Variants in ADCY8 observed in about 807,000 individuals in gnomAD.
ADCY8 encodes the protein adenylate cyclase 8, also known as adenylate cyclase type 8.
In ADCY8, 51 loss-of-function variants were observed where a neutral mutation model predicts 119.7. That is an observed-to-expected ratio of 0.43 (90% CI 0.34 to 0.54). ADCY8 has a LOEUF of 0.54. Ranked by LOEUF, ADCY8 falls within the 20% of genes least tolerant of loss-of-function variation. The pLI is 0.03. For missense variants in ADCY8, 1,383 were observed against 1,598.8 expected (o/e 0.87, Z 2.30); for synonymous variants, 665 against 651.0 (o/e 1.02, Z -0.33).
chr8:130,905,566 TA>T (rs1248737067), intron 6 of ADCY8, among the ~76,000 whole-genome samples: 1 of 152,136 alleles, frequency 6.6e-6, no homozygotes, highest in Non-Finnish European at 1.5e-5. Flanking sequence ...GAAAAGTTTT[TA>T]AAAAAAATTT....
intron 7 of ADCY8, among the ~76,000 whole-genome samples, chr8:130,901,609 A>T (rs376619310): frequency 2.0e-5 from 3 of 152,188 alleles, no homozygotes; most frequent in African/African-American, 4.8e-5. Flanking sequence ...ATGTCTCTGA[A>T]TTGCACATAT....
rs1586423992 is a variant in ADCY8, at chr8:130,798,878, A to G, written c.3060+1548T>C. On this transcript the variant is annotated intron_variant, in intron 15 of 17. Coordinates refer to ENST00000286355, the MANE Select transcript of ADCY8 (RefSeq NM_001115.3). ...TCCATTGAGAAATGAATGGAAACAC[A>G]CACACACGCATGCACACACACATGC... 4.6e-5 allele frequency among the ~76,000 whole-genome samples: 7 copies of G among 152,248 alleles called. 1 individual carries two copies. Among genetic ancestry groups the G allele is most frequent in the Admixed American group, 4.6e-4 (7 of 15,288 alleles).
At chr8:130,789,891 G>A (rs1017655344) in intron 15 of ADCY8, among the ~76,000 whole-genome samples, 2 of 152,154 alleles carry the variant, frequency 1.3e-5, no homozygotes, top group African/African-American at 4.8e-5. Flanking sequence ...ATGGGGCTTG[G>A]CAACCTGTGT....
intron 3 of ADCY8, among the ~76,000 whole-genome samples, chr8:130,950,104 C>A (rs575004971): frequency 9.9e-5 from 15 of 152,262 alleles, no homozygotes; most frequent in African/African-American, 3.6e-4. Context: ...TGTCCTCTAT[C>A]CTGCTGACAT....
At chr8:130,965,322 A>G (rs200855537) in intron 2 of ADCY8, among the ~76,000 whole-genome samples, 16 of 152,274 alleles carry the variant, frequency 1.1e-4, no homozygotes, top group East Asian at 9.7e-4. Flanking sequence ...AATAGACACT[A>G]GGGACTCCAA....
chr8:130,952,061 G>A (rs1821291670), intron 2 of ADCY8, 63 bp from the exon 3 acceptor site: 5 of 1,595,448 alleles, frequency 3.1e-6, no homozygotes, highest in African/African-American at 1.3e-5. Flanking sequence ...TGGGAGGGTG[G>A]AGGGTGGAGA....
At chr8:130,797,350 A>G (rs1446777180) in intron 15 of ADCY8, among the ~76,000 whole-genome samples, 2 of 152,222 alleles carry the variant, frequency 1.3e-5, no homozygotes, top group Admixed American at 6.5e-5. Context: ...CACCCCTGCT[A>G]TAAAGTTTAA....
rs370466436 is a variant in ADCY8, at chr8:130,990,593, G to C, written c.961-51C>G. Reference sequence around the variant, plus strand: ...CGCTTAAAACAAAAGCTATTTACAAGCAACAATAAAATACACAAATAAATA... The same window carrying C: ...CGCTTAAAACAAAAGCTATTTACAACCAACAATAAAATACACAAATAAATA... On this transcript the variant is annotated intron_variant, in intron 1 of 17. Transcript: ENST00000286355. 7.1e-5 allele frequency: 112 copies of C among 1,587,720 alleles called. No individual in the cohort carries two copies. In the African/African-American group the frequency reaches 1.4e-3, roughly 19 times the overall value.
At chr8:130,820,500 A>G (rs2130194883) in intron 13 of ADCY8, among the ~76,000 whole-genome samples, 1 of 152,354 alleles carries the variant, frequency 6.6e-6, no homozygotes, top group African/African-American at 2.4e-5. Flanking sequence ...CAAGCGACGA[A>G]CGTTCATGGG....
At chr8:130,925,011 C>G (rs1371135200) in intron 5 of ADCY8, among the ~76,000 whole-genome samples, 2 of 146,486 alleles carry the variant, frequency 1.4e-5, no homozygotes, top group African/African-American at 5.1e-5. Context: ...GATAGAAACA[C>G]AGTGAAACCC....
intron 3 of ADCY8, among the ~76,000 whole-genome samples, chr8:130,945,417 A>C (rs899670746): frequency 6.6e-6 from 1 of 152,234 alleles, no homozygotes; most frequent in Non-Finnish European, 1.5e-5. Context: ...GGTCATATGC[A>C]CAGAATTTGA....
In ADCY8 at chr8:131,039,641, C is replaced by T. The variant is rs1334730673; in HGVS notation, c.693G>A (p.Val231=). The change falls in exon 1 of 18, where the codon GTG becomes GTA. Residue 231 remains valine (V), a synonymous_variant. Coordinates refer to ENST00000286355, the MANE Select transcript of ADCY8 (RefSeq NM_001115.3). The part of the protein sequence containing the change: ...GIEVVICALV[V]VRKDTTSHTY... ...TGTGGGAGGTGGTGTCCTTCCTGACCACCACCAGGGCGCAGATCACTACCT... is the reference window on the plus strand; with the variant it reads ...TGTGGGAGGTGGTGTCCTTCCTGACTACCACCAGGGCGCAGATCACTACCT... The T allele has an allele frequency of 3.7e-6, 6 of 1,613,982 alleles. No individual in the cohort carries two copies. The African/African-American group carries it at 8.0e-5, about 22-fold the overall frequency.
chr8:130,866,892 C>T (rs183480967), intron 9 of ADCY8, among the ~76,000 whole-genome samples: 45 of 152,260 alleles, frequency 3.0e-4, no homozygotes, highest in African/African-American at 1.1e-3. Context: ...TATAAGTGCT[C>T]AGTAACTGGG....
intron 9 of ADCY8, among the ~76,000 whole-genome samples, chr8:130,862,966 T>C (rs959002150): frequency 3.3e-5 from 5 of 152,348 alleles, no homozygotes; most frequent in East Asian, 3.9e-4. Context: ...TATTCTTCCA[T>C]TGGGTGGAAT....
At chr8:131,028,170 C>T (rs1823878384) in intron 1 of ADCY8, among the ~76,000 whole-genome samples, 1 of 152,164 alleles carries the variant, frequency 6.6e-6, no homozygotes, top group Non-Finnish European at 1.5e-5. Flanking sequence ...GTGAAAAACC[C>T]ATAGCAAAAA....
At chr8:130,894,386 C>T (rs1819312281) in intron 7 of ADCY8, among the ~76,000 whole-genome samples, 1 of 152,090 alleles carries the variant, frequency 6.6e-6, no homozygotes, top group Admixed American at 6.6e-5. Context: ...TATTTCCAGG[C>T]TTATCCCTTA....
rs902329348 is a variant in ADCY8 at position 130,936,952 on chromosome 8, T to C, written c.1481+121A>G. 3.9e-6 allele frequency: 5 copies of C among 1,268,326 alleles called. No individual in the cohort carries two copies. The African/African-American group carries it at 6.0e-5, about 15-fold the overall frequency. 78.6% of individuals were successfully genotyped at this position (1,268,326 alleles called of 1,614,324 possible). ...AGAACTAAGGGGCACACAGTTTTTG[T>C]GAAATAAGTCAAAAGGTTCTGCCTT... On this transcript the variant is annotated intron_variant, in intron 5 of 17. Transcript: ENST00000286355.
chr8:131,026,791 T>C (rs10097729), intron 1 of ADCY8, among the ~76,000 whole-genome samples: 63,647 of 152,080 alleles, frequency 0.42, 13,830 homozygotes, highest in East Asian at 0.63. Context: ...AAAACTTAAA[T>C]TATAAAATCA....
At chr8:131,007,288 C>T (rs1823150416) in intron 1 of ADCY8, among the ~76,000 whole-genome samples, 1 of 152,132 alleles carries the variant, frequency 6.6e-6, no homozygotes, top group African/African-American at 2.4e-5. Context: ...CTAGATCTCC[C>T]AGACTCCCAG....
Sources: gnomAD v4.1 joint callset for allele counts (sites outside exome capture counted in the v4.1 genomes callset) on GRCh38, gnomAD v4.1.1 for gene constraint, MANE v1.5 for transcripts, NCBI Gene and HGNC (gene_info 2026-07-23, HGNC 2026-07-21) for gene names.